The following CACNA1S variants were observed in gnomAD, a reference collection of about 807,000 sequenced individuals.
The protein encoded by CACNA1S is voltage-dependent L-type calcium channel subunit alpha-1S.
Under a neutral mutation model 207.4 loss-of-function variants are expected in CACNA1S, and 126 were observed. The observed-to-expected ratio is 0.61, with a 90% CI of 0.53 to 0.70. The LOEUF is 0.70. Among genes scored for constraint, CACNA1S ranks in the 30% least tolerant of loss-of-function variants. The pLI, the probability that CACNA1S is intolerant of heterozygous loss-of-function variation, is 0.00. For missense variants in CACNA1S, 2,349 were observed against 2,422.8 expected (o/e 0.97, Z 0.64); for synonymous variants, 960 against 932.7 (o/e 1.03, Z -0.53).
At chr1:201,052,692 T>G (rs1391087141) in intron 31 of CACNA1S, 44 bp from the exon 32 acceptor site, 2 of 1,492,790 alleles carry the variant, frequency 1.3e-6, no homozygotes, top group Admixed American at 3.3e-5. Flanking sequence ...TAGATTAAAG[T>G]GTCCCCTCAG....
chr1:201,098,246 G>C (rs936593096), intron 2 of CACNA1S, among the ~76,000 whole-genome samples: 4 of 152,250 alleles, frequency 2.6e-5, no homozygotes, highest in African/African-American at 9.6e-5. Flanking sequence ...ACTGCTGCTA[G>C]AGGTGCAGGC....
chr1:201,097,812 C>T (rs537104353), intron 2 of CACNA1S, among the ~76,000 whole-genome samples: 10 of 152,202 alleles, frequency 6.6e-5, no homozygotes, highest in African/African-American at 1.2e-4. Flanking sequence ...GAGAAGGCAC[C>T]GCCAACTGGT....
At chr1:201,048,467 C>T (rs1371439633) in intron 36 of CACNA1S, 115 bp downstream of exon 36, 10 of 914,580 alleles carry the variant, frequency 1.1e-5, no homozygotes, top group Non-Finnish European at 1.4e-5. Context: ...GGTCCTCCCT[C>T]TACTTCTTCC....
At position 201,062,529 on chromosome 1, in the gene CACNA1S, A is replaced by C. The variant is rs1405252446; in HGVS notation, c.2854-15T>G. 11 of 648,278 alleles carry C rather than the reference A, an allele frequency of 1.7e-5. No individual in the cohort carries two copies. In the African/African-American group the frequency reaches 1.7e-4, roughly 10 times the overall value. 40.2% of individuals were successfully genotyped at this position (648,278 alleles called of 1,614,324 possible). ...AAGAACTTCCCCTGCAGCCAGGAAGAGGGAGGGAGGGAGGGAGGCATGTTG... is the reference window on the plus strand; with the variant it reads ...AAGAACTTCCCCTGCAGCCAGGAAGCGGGAGGGAGGGAGGGAGGCATGTTG... On this transcript the variant is annotated splice_polypyrimidine_tract_variant and intron_variant, in intron 22 of 43. Coordinates refer to ENST00000362061, the MANE Select transcript of CACNA1S (RefSeq NM_000069.3).
chr1:201,083,155 G>A lies in CACNA1S; in HGVS notation c.1393+7C>T, dbSNP rs3767512. On this transcript the variant is annotated splice_region_variant and intron_variant, in intron 10 of 43. Transcript: ENST00000362061. Reference sequence around the variant, plus strand: ...CCTCCTCCCGGCTTCACTCCGTTCCGCCTCACCTTGCAAACGGGTCAGCCA... The same window carrying A: ...CCTCCTCCCGGCTTCACTCCGTTCCACCTCACCTTGCAAACGGGTCAGCCA... 45,714 of 1,613,074 alleles carry A rather than the reference G, an allele frequency of 0.028. 1,712 individuals are homozygous for A. The highest frequency in any genetic ancestry group is 0.21 in the East Asian group (9,300 of 44,856).
chr1:201,091,260 C>G (rs980884370), intron 5 of CACNA1S, among the ~76,000 whole-genome samples: 10 of 152,182 alleles, frequency 6.6e-5, no homozygotes, highest in African/African-American at 2.4e-4. Flanking sequence ...TGGGTGCCTG[C>G]TCTGAGGGTC....
intron 38 of CACNA1S, among the ~76,000 whole-genome samples, chr1:201,046,373 G>C (rs1660469221): frequency 6.6e-6 from 1 of 152,056 alleles, no homozygotes; most frequent in South Asian, 2.1e-4. Context: ...TAGAGATGGG[G>C]TTCTACCATC....
At chr1:201,062,825 G>A (rs1661111210) in intron 22 of CACNA1S, among the ~76,000 whole-genome samples, 1 of 152,210 alleles carries the variant, frequency 6.6e-6, no homozygotes, top group Non-Finnish European at 1.5e-5. Context: ...GATGGGCTGA[G>A]GGGATGGACA....
intron 22 of CACNA1S, 74 bp downstream of exon 22, chr1:201,065,764 G>T: frequency 2.1e-6 from 2 of 949,240 alleles, no homozygotes; most frequent in Non-Finnish European, 3.5e-6. Context: ...CACAATGTGG[G>T]GCTCCTTGTG....
intron 2 of CACNA1S, among the ~76,000 whole-genome samples, chr1:201,102,321 G>T (rs1251440768): frequency 1.3e-5 from 2 of 152,118 alleles, no homozygotes; most frequent in South Asian, 4.1e-4. Context: ...GAACTGAGAC[G>T]GGCTTCCCAC....
At chr1:201,058,540 G>A (rs1365611539) in intron 27 of CACNA1S, 49 bp from the exon 28 acceptor site, 2 of 1,449,544 alleles carry the variant, frequency 1.4e-6, no homozygotes. Flanking sequence ...TTGGGAGGAA[G>A]GAGCTCTGGC....
intron 38 of CACNA1S, among the ~76,000 whole-genome samples, chr1:201,046,627 C>T (rs1440060394): frequency 6.6e-6 from 1 of 152,160 alleles, no homozygotes; most frequent in Non-Finnish European, 1.5e-5. Context: ...ACTGCAACCT[C>T]CGCTTCCAGG....
At chr1:201,061,145 G>T in intron 25 of CACNA1S, 122 bp downstream of exon 25, 1 of 838,768 alleles carries the variant, frequency 1.2e-6, no homozygotes, top group Non-Finnish European at 2.0e-6. Flanking sequence ...GCTAGGGCTT[G>T]GCATCAAATG....
chr1:201,065,248 G>A (rs762255495), intron 22 of CACNA1S, among the ~76,000 whole-genome samples: 9 of 152,222 alleles, frequency 5.9e-5, no homozygotes, highest in African/African-American at 1.2e-4. Flanking sequence ...TCTCAATAAT[G>A]TGTTGTGTTG....
intron 2 of CACNA1S, among the ~76,000 whole-genome samples, chr1:201,100,247 G>A (rs1662599056): frequency 6.6e-6 from 1 of 152,276 alleles, no homozygotes; most frequent in South Asian, 2.1e-4. Context: ...CTGTTTCACA[G>A]AGGTTGGAAG....
In CACNA1S at chr1:201,060,703, C is replaced by T. The variant is rs535424694; in HGVS notation, c.3369G>A (p.Leu1123=). 3.5e-5 allele frequency: 56 copies of T among 1,614,176 alleles called. 1 individual carries two copies. The South Asian group carries it at 5.5e-4, about 16-fold the overall frequency. ...YIVTSSYFEY[L]MFALIMLNTI... is the part of the protein sequence containing the mutation. ...TGTTGAGCATGATGAGGGCAAACAT[C>T]AGGTATTCAAAGTAGGAGGAGGTGA... Residue 1123 remains leucine, a synonymous_variant, in exon 26 of 44, where the codon CTG becomes CTA. Transcript: ENST00000362061.
intron 14 of CACNA1S, among the ~76,000 whole-genome samples, 165 bp downstream of exon 14, chr1:201,074,341 A>T (rs1284778328): frequency 6.6e-6 from 1 of 152,162 alleles, no homozygotes; most frequent in Non-Finnish European, 1.5e-5. Context: ...CCAGGGAAGG[A>T]TCTCAGCCAC....
In CACNA1S at chr1:201,039,797, C is replaced by G. The variant is rs761307229; in HGVS notation, c.*34G>C. ...AACTTCCCCACCCCCATTGGTCATG[C>G]CAGCTCTAAGCCCATGCTGATGCTG... On this transcript the variant is annotated 3_prime_UTR_variant, in exon 44 of 44. Transcript: ENST00000362061. The G allele has an allele frequency of 3.7e-6, 6 of 1,600,288 alleles. No individual in the cohort carries two copies. The South Asian group carries it at 6.6e-5, about 18-fold the overall frequency.
Position 201,077,092 on chromosome 1 carries a change from A to G in CACNA1S, c.1655T>C (p.Leu552Pro). 6.2e-7 allele frequency: 1 copy of G among 1,614,202 alleles called. No homozygotes were observed. The highest frequency in any genetic ancestry group is 1.1e-5 in the South Asian group (1 of 91,080). Residue 552 changes from leucine to proline, a missense_variant, in exon 12 of 44, where the codon CTG (leucine) becomes CCG (proline). By Grantham distance (98) the Leu-to-Pro change is moderately conservative. Coordinates refer to ENST00000362061, the MANE Select transcript of CACNA1S (RefSeq NM_000069.3). Reference sequence around the variant, plus strand: ...GGCGATGGAGCGGATGGAGTTGAGCAGGGATGCCACCAGGTTGCTCAGCGA... The same window carrying G: ...GGCGATGGAGCGGATGGAGTTGAGCGGGGATGCCACCAGGTTGCTCAGCGA... ...WTSLSNLVASLLNSIRSIASL... is the reference protein window; with the variant it reads ...WTSLSNLVASPLNSIRSIASL...
Sources: gnomAD v4.1 joint callset for allele counts (sites outside exome capture counted in the v4.1 genomes callset) on GRCh38, gnomAD v4.1.1 for gene constraint, MANE v1.5 for transcripts, NCBI Gene and HGNC (gene_info 2026-07-23, HGNC 2026-07-21) for gene names.